RAB40B: variants seen among roughly 807,000 people sequenced by gnomAD.
RAB40B encodes ras-related protein Rab-40B.
RAB40B carries 21 observed loss-of-function variants against 24.0 expected under a neutral mutation model. That is an observed-to-expected ratio of 0.88 (90% CI 0.62 to 1.26). The LOEUF (loss-of-function observed/expected upper bound fraction) is 1.26, where lower values mean the gene tolerates loss of function less well. RAB40B is among the 50% of genes most tolerant of loss of function. The pLI, the probability that RAB40B is intolerant of heterozygous loss-of-function variation, is 0.00. For missense variants in RAB40B, 348 were observed against 390.5 expected (o/e 0.89, Z 0.92); for synonymous variants, 167 against 169.8 (o/e 0.98, Z 0.13).
intron 1 of RAB40B, among the ~76,000 whole-genome samples, chr17:82,683,156 GAAAC>G (rs1027998541): frequency 2.0e-5 from 3 of 151,618 alleles, no homozygotes; most frequent in Non-Finnish European, 2.9e-5. Context: ...AACAAACAAA[GAAAC>G]AAACAAACAA....
intron 2 of RAB40B, chr17:82,662,126 C>CA (rs1332155700): frequency 1.0e-6 from 1 of 985,316 alleles, no homozygotes; most frequent in Non-Finnish European, 1.2e-6. Flanking sequence ...CTGTTTGTGT[C>CA]ACATGCACCT....
rs756563531 is a variant in RAB40B, at chr17:82,658,559, G to A, written c.497C>T (p.Ser166Leu). The stretch of plus-strand genomic sequence containing the variant: ...CACGATCCTGGCCAGCTCCGTGAAC[G>A]ACTCTGTGATGTTGAAATTGCACAG... ...SPLCNFNITE[S>L]FTELARIVLL... Residue 166 changes from serine to leucine, a missense_variant, in exon 5 of 6, where the codon TCG becomes TTG. This residue lies in a region of RAB40B where 126 missense variants were observed against 181.0 expected (regional missense o/e 0.70). Transcript: ENST00000571995. The A allele has an allele frequency of 6.2e-7, 1 of 1,613,388 alleles. No individual in the cohort carries two copies. The highest frequency in any genetic ancestry group is 1.1e-5 in the South Asian group (1 of 91,070).
In RAB40B at chr17:82,692,359, G is replaced by A. The variant is rs58883418; in HGVS notation, c.142+6096C>T. On this transcript the variant is annotated intron_variant, in intron 1 of 5. Transcript: ENST00000571995. The surrounding 1 kb of genome is among the most constrained non-coding windows in gnomAD (Gnocchi z 4.0). ...GACCGAGAGGAAGACAAACGCCCAG[G>A]AGGGAGAATCCAGGCCTCGCTGACC... Among the ~76,000 whole-genome samples the A allele has an allele frequency of 0.26, 39,364 of 152,164 alleles. 5,901 individuals carry two copies. Among genetic ancestry groups the A allele is most frequent in the African/African-American group, 0.42 (17,529 of 41,470 alleles).
chr17:82,657,897 TTGGGGGGGCTC>T lies in RAB40B; in HGVS notation c.792_802del (p.Ser265LysfsTer95). 1 of 1,134,440 alleles carries T rather than the reference TTGGGGGGGCTC, an allele frequency of 8.8e-7. No individual in the cohort carries two copies. Among genetic ancestry groups the T allele is most frequent in the African/African-American group, 2.0e-5 (1 of 50,390 alleles). 70.3% of individuals were successfully genotyped at this position (1,134,440 alleles called of 1,614,324 possible). ...TTTGCAGCTGTTTCTGGTGCAGTTTTTGGGGGGGCTCTGGGGGGGGCGGACGAGCTTCACTT... is the reference window on the plus strand; with the variant it reads ...TTTGCAGCTGTTTCTGGTGCAGTTTTTGGGGGGGGCGGACGAGCTTCACTT... On this transcript the variant is annotated frameshift_variant, in exon 6 of 6. Transcript: ENST00000571995. LOFTEE classifies it low-confidence loss of function (END_TRUNC).
At chr17:82,679,210 G>C (rs536459664) in intron 1 of RAB40B, among the ~76,000 whole-genome samples, 1 of 151,612 alleles carries the variant, frequency 6.6e-6, no homozygotes. Flanking sequence ...AGCAGCTCGC[G>C]CCCACCAGCA....
At chr17:82,694,546 CAT>C (rs1377956169) in intron 1 of RAB40B, among the ~76,000 whole-genome samples, 1 of 142,910 alleles carries the variant, frequency 7.0e-6, no homozygotes, top group East Asian at 2.0e-4. Flanking sequence ...AAAAAAAATA[CAT>C]ACACACACAC....
At chr17:82,677,107 C>A (rs957671265) in intron 1 of RAB40B, among the ~76,000 whole-genome samples, 1 of 151,784 alleles carries the variant, frequency 6.6e-6, no homozygotes, top group Non-Finnish European at 1.5e-5. Context: ...CGCCACCACG[C>A]CCAGCTAATT....
At chr17:82,679,731 A>T (rs1383679462) in intron 1 of RAB40B, among the ~76,000 whole-genome samples, 3 of 19,440 alleles carry the variant, frequency 1.5e-4, no homozygotes, top group Non-Finnish European at 3.4e-4. Context: ...AAGCACCTGC[A>T]GGTCACCGAG....
intron 1 of RAB40B, among the ~76,000 whole-genome samples, chr17:82,686,559 G>A (rs1416403040): frequency 3.3e-5 from 5 of 152,152 alleles, no homozygotes; most frequent in Admixed American, 3.3e-4. Flanking sequence ...CAGACAGCAG[G>A]GACTGGAACG....
chr17:82,661,729 A>C (rs1035539272), intron 2 of RAB40B, among the ~76,000 whole-genome samples: 1 of 152,138 alleles, frequency 6.6e-6, no homozygotes, highest in Non-Finnish European at 1.5e-5. Flanking sequence ...TCTACTAAAA[A>C]TACAAAAATT....
At chr17:82,677,674 C>G (rs533367535) in intron 1 of RAB40B, among the ~76,000 whole-genome samples, 2 of 152,204 alleles carry the variant, frequency 1.3e-5, no homozygotes, top group Non-Finnish European at 2.9e-5. Flanking sequence ...GGCCAGCACC[C>G]AAGCGTTTGG....
intron 1 of RAB40B, among the ~76,000 whole-genome samples, chr17:82,683,472 TAAAC>T (rs897129066): frequency 2.3e-4 from 35 of 151,782 alleles, no homozygotes; most frequent in African/African-American, 7.5e-4. Flanking sequence ...AAAAAGAAAA[TAAAC>T]AATTCAGGTT....
At chr17:82,671,408 ACCCTGTAACTCTAACACACACACG>A (rs1387585195) in intron 1 of RAB40B, among the ~76,000 whole-genome samples, 20 of 132,604 alleles carry the variant, frequency 1.5e-4, no homozygotes, top group South Asian at 2.5e-4. Flanking sequence ...GACACACTTC[ACCCTGTAACTCTAACACACACACG>A]CTCCCTGTAC....
At position 82,655,607 on chromosome 17, in the gene RAB40B, T is replaced by TG. The variant is rs1468594920; in HGVS notation, c.*2255dup. ...TTTCTTCAACGTGGACTCTCCTTTC[T>TG]GTGCATCTCAGTGTCCTTGTGTTTG... On this transcript the variant is annotated 3_prime_UTR_variant, in exon 6 of 6. Coordinates refer to ENST00000571995, the MANE Select transcript of RAB40B (RefSeq NM_006822.3). The TG allele has an allele frequency of 6.6e-6, 1 of 152,306 alleles. No homozygotes were observed. The highest frequency in any genetic ancestry group is 1.5e-5 in the Non-Finnish European group (1 of 68,082). 9.4% of individuals were successfully genotyped at this position (152,306 alleles called of 1,614,324 possible).
At chr17:82,685,710 C>T (rs1352172679) in intron 1 of RAB40B, among the ~76,000 whole-genome samples, 1 of 152,226 alleles carries the variant, frequency 6.6e-6, no homozygotes, top group Non-Finnish European at 1.5e-5. Flanking sequence ...GTTTCACCAT[C>T]TATCTATACT....
In RAB40B at chr17:82,657,754, A is replaced by T; in HGVS notation, c.*109T>A. ...ACGGAAGGCGTCGCACACATTCGCA[A>T]GCAGCATTCGCCGAGAGGAACCGGG... is the stretch of plus-strand genomic sequence containing the variant. On this transcript the variant is annotated 3_prime_UTR_variant, in exon 6 of 6. Coordinates refer to ENST00000571995, the MANE Select transcript of RAB40B (RefSeq NM_006822.3). The T allele has an allele frequency of 7.6e-7, 1 of 1,320,864 alleles. No homozygotes were observed. The highest frequency in any genetic ancestry group is 1.1e-6 in the Non-Finnish European group (1 of 914,546). The allele number at this position is 1,320,864 out of a possible 1,614,324, so 81.8% of individuals were successfully genotyped here. A position where few individuals can be genotyped will look rare whatever the true frequency, so the allele number is the denominator to read the frequency against.
At chr17:82,664,071 G>T (rs1187965872) in intron 2 of RAB40B, among the ~76,000 whole-genome samples, 28 of 142,710 alleles carry the variant, frequency 2.0e-4, no homozygotes, top group East Asian at 2.1e-4. Context: ...ACGGTGGTGG[G>T]GGGAGGGTGC....
intron 1 of RAB40B, among the ~76,000 whole-genome samples, chr17:82,693,010 C>CT (rs1369583834): frequency 5.3e-5 from 8 of 149,814 alleles, no homozygotes; most frequent in African/African-American, 9.8e-5. Context: ...TATTTTTTTT[C>CT]TTTTTTTTTG....
chr17:82,680,386 C>A (rs769165434), intron 1 of RAB40B, among the ~76,000 whole-genome samples: 11 of 152,170 alleles, frequency 7.2e-5, no homozygotes, highest in Non-Finnish European at 1.2e-4. Flanking sequence ...GGGGACGGGA[C>A]GGCAGTTCCC....
Sources: gnomAD v4.1 joint callset for allele counts (sites outside exome capture counted in the v4.1 genomes callset) on GRCh38, gnomAD v4.1.1 for gene constraint, gnomAD v4.1.1 regional missense constraint, Gnocchi (gnomAD v3.1) non-coding constraint, MANE v1.5 for transcripts, NCBI Gene and HGNC (gene_info 2026-07-23, HGNC 2026-07-21) for gene names.